SEPTIN2: variants seen among roughly 807,000 people sequenced by gnomAD.
SEPTIN2 encodes the protein septin 2.
A neutral mutation model predicts 46.5 loss-of-function variants in SEPTIN2; 34 were observed. The ratio of observed to expected loss-of-function variants is 0.73; its 90% CI spans 0.56 to 0.97. The LOEUF (loss-of-function observed/expected upper bound fraction) is 0.97, where lower values mean the gene tolerates loss of function less well. Among genes scored for constraint, SEPTIN2 ranks in the 50% least tolerant of loss-of-function variants. The pLI, the probability that SEPTIN2 is intolerant of heterozygous loss-of-function variation, is 0.00. For missense variants in SEPTIN2, 347 were observed against 448.4 expected (o/e 0.77, Z 2.04); for synonymous variants, 175 against 153.4 (o/e 1.14, Z -1.04).
At position 241,335,130 on chromosome 2, in the gene SEPTIN2, A is replaced by C; in HGVS notation, c.135A>C (p.Glu45Asp). Residue 45 changes from glutamate (E) to aspartate (D), a missense_variant, in exon 4 of 13, where the codon GAA (glutamate) becomes GAC (aspartate). Coordinates refer to ENST00000391971, the MANE Select transcript of SEPTIN2 (RefSeq NM_004404.5). ...GFEFTLMVVG[E>D]SGLGKSTLIN... ...GGTTTTTCTTTTTATTTAAAGGTGA[A>C]TCAGGTCTAGGAAAATCGACTCTCA... 4.3e-6 allele frequency: 7 copies of C among 1,610,810 alleles called. No homozygotes were observed. The highest frequency in any genetic ancestry group is 5.9e-6 in the Non-Finnish European group (7 of 1,177,304).
At chr2:241,319,427 A>T (rs538891449) in intron 1 of SEPTIN2, among the ~76,000 whole-genome samples, 6 of 152,340 alleles carry the variant, frequency 3.9e-5, no homozygotes, top group Admixed American at 2.6e-4. Flanking sequence ...TGCTTTTTGT[A>T]TAGGTCTTCA....
intron 1 of SEPTIN2, among the ~76,000 whole-genome samples, chr2:241,319,000 A>G (rs2076767037): frequency 6.6e-6 from 1 of 152,126 alleles, no homozygotes; most frequent in Non-Finnish European, 1.5e-5. Context: ...CCAGCCGAGT[A>G]TTTGTATTTT....
At chr2:241,343,946 T>C (rs1260073407) in intron 9 of SEPTIN2, 49 bp downstream of exon 9, 3 of 1,607,534 alleles carry the variant, frequency 1.9e-6, no homozygotes, top group Admixed American at 1.7e-5. Flanking sequence ...GTGAAGAATA[T>C]GGATTTCAGA....
At chr2:241,351,621 G>T (rs764293099) in intron 12 of SEPTIN2, 1 of 152,238 alleles carries the variant, frequency 6.6e-6, no homozygotes, top group Non-Finnish European at 1.5e-5. Context: ...TGAGGGTACA[G>T]TGGAAAGAGA....
chr2:241,338,720 TATATTA>T (rs1559642213), intron 7 of SEPTIN2, among the ~76,000 whole-genome samples: 3 of 110,042 alleles, frequency 2.7e-5, no homozygotes, highest in African/African-American at 6.9e-5. Context: ...ATTTATATAA[TATATTA>T]TATATATTAT....
intron 7 of SEPTIN2, among the ~76,000 whole-genome samples, chr2:241,338,751 ATATATTTATATTGTTTATATATAT>A (rs2080582528): frequency 2.5e-5 from 1 of 40,316 alleles, no homozygotes. Context: ...TTTATATGTA[ATATATTTATATTGTTTATATATAT>A]TATATTTATA....
In SEPTIN2 at chr2:241,346,829, G is replaced by T. The variant is rs115601393; in HGVS notation, c.926+580G>T. Reference sequence around the variant, plus strand: ...CTCCTTCAAAAGCATCACTCTGTACGTGAGGACAAACTTGTTGCCATTAGG... The same window carrying T: ...CTCCTTCAAAAGCATCACTCTGTACTTGAGGACAAACTTGTTGCCATTAGG... On this transcript the variant is annotated intron_variant, in intron 10 of 12. Coordinates refer to ENST00000391971, the MANE Select transcript of SEPTIN2 (RefSeq NM_004404.5). Among the ~76,000 whole-genome samples, 501 of 152,212 alleles carry T rather than the reference G, an allele frequency of 3.3e-3. 6 individuals carry two copies. Among genetic ancestry groups the T allele is most frequent in the Non-Finnish European group, 4.3e-3 (294 of 68,022 alleles).
intron 1 of SEPTIN2, 87 bp from the exon 2 acceptor site, chr2:241,324,129 G>T: frequency 8.1e-7 from 1 of 1,233,636 alleles, no homozygotes. Context: ...TCTTCTTCAG[G>T]TCAGTTCACG....
At chr2:241,347,656 A>G (rs2060382621) in intron 10 of SEPTIN2, among the ~76,000 whole-genome samples, 1 of 152,228 alleles carries the variant, frequency 6.6e-6, no homozygotes, top group Admixed American at 6.5e-5. Flanking sequence ...AGTCTCTTGA[A>G]TGTTCCATTT....
chr2:241,325,556 A>C (rs1211375106), intron 2 of SEPTIN2, among the ~76,000 whole-genome samples: 1 of 152,122 alleles, frequency 6.6e-6, no homozygotes, highest in Non-Finnish European at 1.5e-5. Flanking sequence ...TACCTGGGAG[A>C]AGCTATTCTT....
chr2:241,327,734 G>A (rs899952086), intron 3 of SEPTIN2, among the ~76,000 whole-genome samples: 3 of 152,004 alleles, frequency 2.0e-5, no homozygotes, highest in African/African-American at 7.2e-5. Flanking sequence ...ATAGACCATA[G>A]ATAAACAGAA....
In SEPTIN2 at chr2:241,337,480, A is replaced by C; in HGVS notation, c.440A>C (p.His147Pro). The C allele has an allele frequency of 6.2e-7, 1 of 1,614,016 alleles. No homozygotes were observed. Among genetic ancestry groups the C allele is most frequent in the Non-Finnish European group, 8.5e-7 (1 of 1,179,990 alleles). Residue 147 changes from histidine to proline, a missense_variant, in exon 6 of 13, where the codon CAT (histidine) becomes CCT (proline). Transcript: ENST00000391971. ...CGGCACATCATTGATAATAGGGTGCATTGTTGCTTTTACTTTATTTCACCT... is the reference window on the plus strand; with the variant it reads ...CGGCACATCATTGATAATAGGGTGCCTTGTTGCTTTTACTTTATTTCACCT... The part of the protein sequence containing the change: ...NRRHIIDNRV[H>P]CCFYFISPFG...
At chr2:241,335,854 T>C in intron 4 of SEPTIN2, 121 bp from the exon 5 acceptor site, 1 of 1,236,746 alleles carries the variant, frequency 8.1e-7, no homozygotes, top group Non-Finnish European at 1.2e-6. Context: ...ATCCCCATGG[T>C]ATCTTTGGAG....
At chr2:241,338,642 T>C (rs1463323632) in intron 7 of SEPTIN2, among the ~76,000 whole-genome samples, 3 of 130,330 alleles carry the variant, frequency 2.3e-5, no homozygotes, top group South Asian at 4.3e-4. Context: ...ATATATATAA[T>C]ATATATTACA....
At chr2:241,328,280 C>G (rs1299534063) in intron 3 of SEPTIN2, among the ~76,000 whole-genome samples, 1 of 151,614 alleles carries the variant, frequency 6.6e-6, no homozygotes, top group Non-Finnish European at 1.5e-5. Flanking sequence ...ACTAAAAATA[C>G]AAAAACCTGG....
intron 3 of SEPTIN2, among the ~76,000 whole-genome samples, chr2:241,334,278 C>T (rs893786311): frequency 2.0e-5 from 3 of 152,160 alleles, no homozygotes; most frequent in Admixed American, 6.5e-5. Context: ...CCAGTAGTAC[C>T]AAGATCAGAA....
intron 3 of SEPTIN2, among the ~76,000 whole-genome samples, chr2:241,328,409 C>T (rs1042472538): frequency 2.7e-5 from 4 of 150,770 alleles, no homozygotes; most frequent in South Asian, 2.1e-4. Context: ...TTTAGTCTGG[C>T]GACAGAGCAA....
chr2:241,351,929 C>T (rs901232103), intron 12 of SEPTIN2, 38 bp from the exon 13 acceptor site: 3 of 152,588 alleles, frequency 2.0e-5, no homozygotes, highest in Non-Finnish European at 4.4e-5. Context: ...GACATTGCCT[C>T]ACTCCCACTT....
chr2:241,348,100 C>T (rs1168060166), intron 10 of SEPTIN2, 34 bp from the exon 11 acceptor site: 1 of 1,538,452 alleles, frequency 6.5e-7, no homozygotes, highest in South Asian at 1.1e-5. Flanking sequence ...CTATTTGTTG[C>T]AGTGTTATGA....
Sources: gnomAD v4.1 joint callset for allele counts (sites outside exome capture counted in the v4.1 genomes callset) on GRCh38, gnomAD v4.1.1 for gene constraint, MANE v1.5 for transcripts, NCBI Gene and HGNC (gene_info 2026-07-23, HGNC 2026-07-21) for gene names.